Variants in TMOD2 observed in about 807,000 individuals in gnomAD.
The protein encoded by TMOD2 is tropomodulin-2.
Under a neutral mutation model 39.9 loss-of-function variants are expected in TMOD2, and 22 were observed. The observed-to-expected ratio is 0.55, with a 90% CI of 0.39 to 0.79. TMOD2 has a LOEUF of 0.79. Ranked by LOEUF, TMOD2 falls within the 30% of genes least tolerant of loss-of-function variation. The probability of loss-of-function intolerance (pLI) is 0.00; values close to 1 mark genes in which losing one functional copy is unlikely to be tolerated. For synonymous variants in TMOD2, 123 were observed against 146.1 expected (o/e 0.84, Z 1.14); for missense variants, 386 against 413.3 (o/e 0.93, Z 0.57).
intron 1 of TMOD2, among the ~76,000 whole-genome samples, chr15:51,765,709 G>A (rs1037595046): frequency 1.3e-5 from 2 of 152,136 alleles, no homozygotes; most frequent in African/African-American, 4.8e-5. Flanking sequence ...TATAAAGAAT[G>A]AATACGTAGA....
chr15:51,782,786 G>C lies in TMOD2; in HGVS notation c.690G>C (p.Lys230Asn), dbSNP rs757712488. The change falls in exon 7 of 10, where the codon AAG (lysine) becomes AAC (asparagine). Residue 230 changes from lysine (K) to asparagine (N), a missense_variant. Physicochemically the swap from Lys to Asn is moderately conservative, Grantham distance 94. Coordinates refer to ENST00000249700, the MANE Select transcript of TMOD2 (RefSeq NM_014548.4). ...KALETNTHVK[K>N]FSLAATRSND... ...TGGAGACCAACACTCACGTGAAGAA[G>C]TTCAGCCTGGCCGCAACTCGCAGCA... The C allele has an allele frequency of 6.2e-7, 1 of 1,614,080 alleles. No individual in the cohort carries two copies. The highest frequency in any genetic ancestry group is 8.5e-7 in the Non-Finnish European group (1 of 1,179,952).
rs1018193710 is a variant in TMOD2 at position 51,808,505 on chromosome 15, A to G, written c.*51A>G. On this transcript the variant is annotated 3_prime_UTR_variant, in exon 10 of 10. Transcript: ENST00000249700. ...CACTGTGGTATGGCCATTGAAAAAC[A>G]AAAACTCTTCTTCTTCCCCATCAGG... The G allele has an allele frequency of 1.3e-6, 2 of 1,516,078 alleles. No homozygotes were observed. Among genetic ancestry groups the G allele is most frequent in the Non-Finnish European group, 1.8e-6 (2 of 1,105,578 alleles). The allele number at this position is 1,516,078 out of a possible 1,614,324, so 93.9% of individuals were successfully genotyped here. A position where few individuals can be genotyped will look rare whatever the true frequency, so the allele number is the denominator to read the frequency against.
chr15:51,786,366 C>T (rs7179599), intron 7 of TMOD2, among the ~76,000 whole-genome samples: 62,167 of 151,852 alleles, frequency 0.41, 12,901 homozygotes, highest in Middle Eastern at 0.45. Context: ...GATGAAAAGG[C>T]GTTTCTTGGT....
intron 4 of TMOD2, among the ~76,000 whole-genome samples, chr15:51,774,090 T>C (rs138336056): frequency 3.2e-4 from 48 of 152,302 alleles, no homozygotes; most frequent in African/African-American, 1.1e-3. Flanking sequence ...CAAACAAGTA[T>C]GAAGGAGTGT....
At chr15:51,787,144 A>C (rs546225222) in intron 7 of TMOD2, among the ~76,000 whole-genome samples, 1 of 152,218 alleles carries the variant, frequency 6.6e-6, no homozygotes, top group African/African-American at 2.4e-5. Flanking sequence ...CTTTTTCCAC[A>C]GTCTTCACAA....
intron 5 of TMOD2, among the ~76,000 whole-genome samples, chr15:51,778,842 C>G (rs1290807798): frequency 6.6e-6 from 1 of 151,560 alleles, no homozygotes; most frequent in East Asian, 1.9e-4. Context: ...TACAGCTTTT[C>G]TTAGGTTAAT....
chr15:51,774,102 G>T (rs920010779), intron 4 of TMOD2, among the ~76,000 whole-genome samples: 1 of 152,186 alleles, frequency 6.6e-6, no homozygotes, highest in African/African-American at 2.4e-5. Flanking sequence ...AAGGAGTGTT[G>T]AGAATTTAGA....
At chr15:51,775,476 GAT>G (rs750176692) in intron 4 of TMOD2, among the ~76,000 whole-genome samples, 2 of 151,404 alleles carry the variant, frequency 1.3e-5, no homozygotes, top group African/African-American at 4.9e-5. Context: ...AGAGCAAGAA[GAT>G]ATGTTTGTTG....
At chr15:51,781,203 T>C in intron 6 of TMOD2, 29 bp downstream of exon 6, 1 of 1,574,504 alleles carries the variant, frequency 6.4e-7, no homozygotes. Context: ...CATCAGTCAG[T>C]TAATTTATCA....
intron 1 of TMOD2, among the ~76,000 whole-genome samples, chr15:51,757,443 C>T (rs1265197093): frequency 6.6e-6 from 1 of 150,498 alleles, no homozygotes; most frequent in Non-Finnish European, 1.5e-5. Flanking sequence ...CCTTATTTTC[C>T]TTCCCAAGGC....
intron 5 of TMOD2, among the ~76,000 whole-genome samples, chr15:51,778,667 TTTC>T (rs1239244502): frequency 2.9e-5 from 4 of 136,716 alleles, no homozygotes; most frequent in African/African-American, 1.1e-4. Context: ...TTTTTTTTTT[TTTC>T]TTGAGACAGA....
chr15:51,799,621 C>T (rs1260412459), intron 8 of TMOD2, among the ~76,000 whole-genome samples: 1 of 152,006 alleles, frequency 6.6e-6, no homozygotes. Flanking sequence ...GGAGGCAGCA[C>T]CCCAGGGGAT....
At chr15:51,808,188 G>A (rs764746324) in intron 9 of TMOD2, among the ~76,000 whole-genome samples, 10 of 152,108 alleles carry the variant, frequency 6.6e-5, no homozygotes, top group Non-Finnish European at 1.3e-4. Context: ...AAATTCGAAG[G>A]TTCTAACACT....
intron 8 of TMOD2, among the ~76,000 whole-genome samples, chr15:51,799,243 C>A (rs978907397): frequency 1.3e-5 from 2 of 152,158 alleles, no homozygotes; most frequent in Non-Finnish European, 2.9e-5. Context: ...TATGAGCATT[C>A]GTTCCCCTGT....
In TMOD2 at chr15:51,811,424, C is replaced by T. The variant is rs1202501194; in HGVS notation, c.*2970C>T. The T allele has an allele frequency of 6.6e-6, 1 of 152,178 alleles. No homozygotes were observed. The highest frequency in any genetic ancestry group is 1.9e-4 in the East Asian group (1 of 5,202). The allele number at this position is 152,178 out of a possible 1,614,324, so 9.4% of individuals were successfully genotyped here. A position where few individuals can be genotyped will look rare whatever the true frequency, so the allele number is the denominator to read the frequency against. On this transcript the variant is annotated 3_prime_UTR_variant, in exon 10 of 10. Transcript: ENST00000249700. ...TCCCCCTTTTAGAGTTGTGCAGGTC[C>T]ACTTTAAGTGTAAAATCACTCACCT...
At chr15:51,781,289 T>C in intron 6 of TMOD2, 115 bp downstream of exon 6, 1 of 944,578 alleles carries the variant, frequency 1.1e-6, no homozygotes, top group East Asian at 2.6e-5. Flanking sequence ...AGTCACTGAG[T>C]TGGAGTCAAG....
chr15:51,804,707 G>A (rs1415599300), intron 8 of TMOD2, among the ~76,000 whole-genome samples: 2 of 151,446 alleles, frequency 1.3e-5, no homozygotes, highest in Non-Finnish European at 2.9e-5. Context: ...TGAGTAGCTG[G>A]GACTACAGGT....
intron 1 of TMOD2, among the ~76,000 whole-genome samples, chr15:51,753,468 T>C (rs1243287807): frequency 1.3e-5 from 2 of 151,874 alleles, no homozygotes; most frequent in Non-Finnish European, 1.5e-5. Context: ...GCAGAGCAAA[T>C]GGGAGCAACT....
intron 7 of TMOD2, among the ~76,000 whole-genome samples, chr15:51,786,412 T>G (rs2055970464): frequency 6.6e-6 from 1 of 152,202 alleles, no homozygotes; most frequent in African/African-American, 2.4e-5. Context: ...TTATTCTGCT[T>G]TCATGTTATA....
Sources: allele counts gnomAD v4.1 joint callset (sites outside exome capture counted in the v4.1 genomes callset), GRCh38; gene constraint gnomAD v4.1.1; transcripts MANE v1.5; gene names NCBI Gene and HGNC (gene_info 2026-07-23, HGNC 2026-07-21).